Variants in SPTB observed in about 807,000 individuals in gnomAD.
SPTB encodes the protein spectrin beta, erythrocytic, also known as spectrin beta chain, erythrocytic.
SPTB carries 45 observed loss-of-function variants against 256.2 expected under a neutral mutation model. The observed-to-expected ratio is 0.18, with a 90% CI of 0.14 to 0.23. The LOEUF is 0.23. Ranked by LOEUF, SPTB falls within the 10% of genes least tolerant of loss-of-function variation. The pLI, the probability that SPTB is intolerant of heterozygous loss-of-function variation, is 1.00. For synonymous variants in SPTB, 1,231 were observed against 1,243.1 expected (o/e 0.99, Z 0.21); for missense variants, 2,715 against 3,040.4 (o/e 0.89, Z 2.52).
rs1387896106 is a variant in SPTB, at chr14:64,823,341, G to A, written c.-51-196C>T. Among the ~76,000 whole-genome samples, 1 of 152,130 alleles carries A rather than the reference G, an allele frequency of 6.6e-6. No individual in the cohort carries two copies. The highest frequency in any genetic ancestry group is 6.5e-5 in the Admixed American group (1 of 15,270). On this transcript the variant is annotated intron_variant, in intron 1 of 35. Coordinates refer to ENST00000644917, the MANE Select transcript of SPTB (RefSeq NM_001355436.2). This position sits in a 1 kb window ranked among gnomAD's most constrained non-coding sequence, Gnocchi z 6.5. ...TATTGCAGCAGCAGCAGCAGCAACA[G>A]TACCGGCAGCAGTGGCAGGGATGGA... is the stretch of plus-strand genomic sequence containing the variant.
intron 9 of SPTB, 73 bp from the exon 10 acceptor site, chr14:64,797,919 G>A (rs181066703): frequency 4.9e-5 from 50 of 1,013,452 alleles, no homozygotes; most frequent in Admixed American, 1.0e-4. Flanking sequence ...AAGTCAACAC[G>A]GAACTGTGGC....
Position 64,845,614 on chromosome 14 carries a change from G to A in SPTB, c.-51-22469C>T, listed in dbSNP as rs1052297670. 6.6e-6 allele frequency among the ~76,000 whole-genome samples: 1 copy of A among 152,214 alleles called. No individual in the cohort carries two copies. The highest frequency in any genetic ancestry group is 1.5e-5 in the Non-Finnish European group (1 of 68,050). On this transcript the variant is annotated intron_variant, in intron 1 of 35. Coordinates refer to ENST00000644917, the MANE Select transcript of SPTB (RefSeq NM_001355436.2). The surrounding 1 kb of genome is among the most constrained non-coding windows in gnomAD (Gnocchi z 4.8). ...GTAGAGATGAAAAGCAAAAGGTTGT[G>A]ACACCAGTATCAGGAGACAGCAGGA... is the stretch of plus-strand genomic sequence containing the variant.
At position 64,866,420 on chromosome 14, in the gene SPTB, G is replaced by A; in HGVS notation, c.-52+13372C>T. On this transcript the variant is annotated intron_variant, in intron 1 of 35. Transcript: ENST00000644917. The surrounding 1 kb of genome is among the most constrained non-coding windows in gnomAD (Gnocchi z 4.6). Reference sequence around the variant, plus strand: ...CTCACAAGGCCTAACTTTGTCCCCTGCCCTTCTTTATCCCAGGCACATCTT... The same window carrying A: ...CTCACAAGGCCTAACTTTGTCCCCTACCCTTCTTTATCCCAGGCACATCTT... Among the ~76,000 whole-genome samples, 1 of 152,138 alleles carries A rather than the reference G, an allele frequency of 6.6e-6. No homozygotes were observed. The highest frequency in any genetic ancestry group is 1.9e-4 in the East Asian group (1 of 5,196).
At chr14:64,850,959 C>T (rs146666151) in intron 1 of SPTB, among the ~76,000 whole-genome samples, 1 of 152,362 alleles carries the variant, frequency 6.6e-6, no homozygotes, top group East Asian at 1.9e-4. Context: ...TGGCCCCAAT[C>T]CAGGTCTTCT....
intron 1 of SPTB, among the ~76,000 whole-genome samples, chr14:64,871,869 A>G (rs1882551834): frequency 6.6e-6 from 1 of 152,254 alleles, no homozygotes; most frequent in African/African-American, 2.4e-5. Flanking sequence ...GGAAGCATCA[A>G]AAAATATTTG....
intron 2 of SPTB, among the ~76,000 whole-genome samples, chr14:64,819,533 G>C (rs981966628): frequency 6.6e-6 from 1 of 150,640 alleles, no homozygotes; most frequent in African/African-American, 2.5e-5. Context: ...GGACTGGATA[G>C]TCTTATGGAG....
rs748823928 is a variant in SPTB, at chr14:64,749,775, A to G, written c.6777-79T>C. 31 of 1,565,942 alleles carry G rather than the reference A, an allele frequency of 2.0e-5. No homozygotes were observed. The highest frequency in any genetic ancestry group is 2.5e-5 in the Non-Finnish European group (29 of 1,147,508). On this transcript the variant is annotated intron_variant, in intron 34 of 35. Transcript: ENST00000644917. The surrounding 1 kb of genome is among the most constrained non-coding windows in gnomAD (Gnocchi z 4.7). ...GCAGAGGGCTGGCTCTGATCCCACA[A>G]TACCCTGAGCCGAACATCCAGACCC...
In SPTB at chr14:64,775,232, G is replaced by T. The variant is rs760938057; in HGVS notation, c.4735C>A (p.Arg1579=). The change falls in exon 23 of 36, where the codon CGA becomes AGA. Residue 1579 remains arginine, a synonymous_variant. Transcript: ENST00000644917. This position sits in a 1 kb window ranked among gnomAD's most constrained non-coding sequence, Gnocchi z 5.0. ...LREAAAGRLQ[R]LRDANEAQQY... ...TGTGCCTCGTTGGCGTCCCTCAGTCGCTGCAGCCTCCCGGCCGCTGCCTCC... is the reference window on the plus strand; with the variant it reads ...TGTGCCTCGTTGGCGTCCCTCAGTCTCTGCAGCCTCCCGGCCGCTGCCTCC... 1 of 1,613,706 alleles carries T rather than the reference G, an allele frequency of 6.2e-7. No individual in the cohort carries two copies. The highest frequency in any genetic ancestry group is 2.2e-5 in the East Asian group (1 of 44,888).
rs369839537 is a variant in SPTB at position 64,773,232 on chromosome 14, A to G, written c.5166T>C (p.Phe1722=). The change falls in exon 25 of 36, where the codon TTT becomes TTC. Residue 1722 remains phenylalanine (F), a synonymous_variant. Coordinates refer to ENST00000644917, the MANE Select transcript of SPTB (RefSeq NM_001355436.2). ...TGTGGCTACTCACAGTCACGTGGTC[A>G]AAGTCTTGCCCCATTTCCGGGGAAG... The part of the protein sequence containing the change: ...VASSPEMGQD[F]DHVTLLRDKF... 3.7e-6 allele frequency: 6 copies of G among 1,614,130 alleles called. No homozygotes were observed. In the African/African-American group the frequency reaches 8.0e-5, roughly 22 times the overall value.
rs2082543183 is a variant in SPTB at position 64,785,250 on chromosome 14, C to T, written c.3855+287G>A. ...ACAGGTCACACATCCTCAAAGCTGG[C>T]CCAGACTGGGTCCTAGGTGATTCTA... is the stretch of plus-strand genomic sequence containing the variant. On this transcript the variant is annotated intron_variant, in intron 18 of 35. Coordinates refer to ENST00000644917, the MANE Select transcript of SPTB (RefSeq NM_001355436.2). This position sits in a 1 kb window ranked among gnomAD's most constrained non-coding sequence, Gnocchi z 4.4. 1.3e-5 allele frequency among the ~76,000 whole-genome samples: 2 copies of T among 152,112 alleles called. No individual in the cohort carries two copies.
chr14:64,841,878 T>G lies in SPTB; in HGVS notation c.-51-18733A>C, dbSNP rs1460166772. Among the ~76,000 whole-genome samples the G allele has an allele frequency of 2.0e-5, 3 of 152,210 alleles. No homozygotes were observed. Among genetic ancestry groups the G allele is most frequent in the Admixed American group, 2.0e-4 (3 of 15,290 alleles). On this transcript the variant is annotated intron_variant, in intron 1 of 35. Coordinates refer to ENST00000644917, the MANE Select transcript of SPTB (RefSeq NM_001355436.2). The surrounding 1 kb of genome is among the most constrained non-coding windows in gnomAD (Gnocchi z 4.6). Reference sequence around the variant, plus strand: ...GGTGCCCCAAGGTGTTGCAGTTTGATAACGCTCTCCTCATATCTGTTAAAG... The same window carrying G: ...GGTGCCCCAAGGTGTTGCAGTTTGAGAACGCTCTCCTCATATCTGTTAAAG...
Position 64,866,045 on chromosome 14 carries a change from CA to C in SPTB, c.-52+13746del, listed in dbSNP as rs1180205384. Reference sequence around the variant, plus strand: ...CAACCTGGATTTTAAATGAGAAAAACAGAGACCATGGTGTGGCTAAAATACC... The same window carrying C: ...CAACCTGGATTTTAAATGAGAAAAACGAGACCATGGTGTGGCTAAAATACC... On this transcript the variant is annotated intron_variant, in intron 1 of 35. Coordinates refer to ENST00000644917, the MANE Select transcript of SPTB (RefSeq NM_001355436.2). The surrounding 1 kb of genome is among the most constrained non-coding windows in gnomAD (Gnocchi z 4.6). 2.6e-5 allele frequency among the ~76,000 whole-genome samples: 4 copies of C among 152,206 alleles called. No homozygotes were observed. The highest frequency in any genetic ancestry group is 9.6e-5 in the African/African-American group (4 of 41,460).
rs144621253 is a variant in SPTB, at chr14:64,782,374, C to G, written c.4182G>C (p.Trp1394Cys). The change falls in exon 20 of 36, where the codon TGG becomes TGC. Residue 1394 changes from tryptophan (W) to cysteine (C), a missense_variant. Transcript: ENST00000644917. ...RLQTHADLNK[W>C]ISAMEDQLRS... ...GCAGCTGGTCCTCCATGGCGCTGATCCACTTGTTGAGGTCAGCATGGGTCT... is the reference window on the plus strand; with the variant it reads ...GCAGCTGGTCCTCCATGGCGCTGATGCACTTGTTGAGGTCAGCATGGGTCT... 2.5e-6 allele frequency: 4 copies of G among 1,614,038 alleles called. No homozygotes were observed. In the African/African-American group the frequency reaches 5.3e-5, roughly 22 times the overall value.
chr14:64,786,544 G>C lies in SPTB; in HGVS notation c.3421C>G (p.Gln1141Glu). 6.2e-7 allele frequency: 1 copy of C among 1,614,178 alleles called. No homozygotes were observed. Among genetic ancestry groups the C allele is most frequent in the African/African-American group, 1.3e-5 (1 of 75,040 alleles). The change falls in exon 16 of 36, where the codon CAG becomes GAG. Residue 1141 changes from glutamine to glutamate, a missense_variant. By Grantham distance (29) the Gln-to-Glu change is conservative. Around this residue, in one of 4 missense-constraint regions of SPTB, gnomAD observed 2,239 missense variants for 2,384.4 expected, o/e 0.94. Transcript: ENST00000644917. This position sits in a 1 kb window ranked among gnomAD's most constrained non-coding sequence, Gnocchi z 5.6. ...CCAGTATCCAGGCCCTCCAGCCGCT[G>C]GCCCAGAAGCAGATACTCTGGGTCC... is the stretch of plus-strand genomic sequence containing the variant. Reference protein sequence around the residue: ...QTDPEYLLLGQRLEGLDTGWN... With the variant: ...QTDPEYLLLGERLEGLDTGWN...
At chr14:64,752,595 G>A (rs1195245461) in intron 33 of SPTB, among the ~76,000 whole-genome samples, 2 of 152,152 alleles carry the variant, frequency 1.3e-5, no homozygotes, top group African/African-American at 4.8e-5. Context: ...CAGGATTGTT[G>A]GGAAGATTTT....
intron 1 of SPTB, among the ~76,000 whole-genome samples, chr14:64,840,239 G>A (rs2083586207): frequency 6.6e-6 from 1 of 152,164 alleles, no homozygotes; most frequent in Non-Finnish European, 1.5e-5. Flanking sequence ...GACTGCCAAT[G>A]GTCCATTTCC....
At chr14:64,857,939 G>C (rs990968166) in intron 1 of SPTB, among the ~76,000 whole-genome samples, 5 of 152,088 alleles carry the variant, frequency 3.3e-5, no homozygotes, top group Non-Finnish European at 7.4e-5. Context: ...TAGCATTTTT[G>C]TTCACCCGTC....
rs191606679 is a variant in SPTB at position 64,833,328 on chromosome 14, A to G, written c.-51-10183T>C. 5.9e-5 allele frequency among the ~76,000 whole-genome samples: 9 copies of G among 152,312 alleles called. No individual in the cohort carries two copies. In the East Asian group the frequency reaches 1.7e-3, roughly 29 times the overall value. ...CACTTTGGGAGTCCGAAGCGGGTGG[A>G]TCACCTGAGGTTGGCAGTTCGAGAC... On this transcript the variant is annotated intron_variant, in intron 1 of 35. Coordinates refer to ENST00000644917, the MANE Select transcript of SPTB (RefSeq NM_001355436.2).
At chr14:64,860,551 CTT>C (rs1479527771) in intron 1 of SPTB, among the ~76,000 whole-genome samples, 11 of 151,942 alleles carry the variant, frequency 7.2e-5, no homozygotes, top group African/African-American at 2.7e-4. Context: ...ATGTGTGTGA[CTT>C]ATATTCTCAT....
Sources: allele counts gnomAD v4.1 joint callset (sites outside exome capture counted in the v4.1 genomes callset), GRCh38; gene constraint gnomAD v4.1.1; regional missense constraint gnomAD v4.1.1; non-coding constraint Gnocchi (gnomAD v3.1); transcripts MANE v1.5; gene names NCBI Gene and HGNC (gene_info 2026-07-23, HGNC 2026-07-21).